The following TTC39B variants were observed in gnomAD, a reference collection of about 807,000 sequenced individuals.
TTC39B encodes the protein tetratricopeptide repeat domain 39B.
A neutral mutation model predicts 96.6 loss-of-function variants in TTC39B; 92 were observed. The observed-to-expected ratio is 0.95, with a 90% CI of 0.80 to 1.13. TTC39B has a LOEUF of 1.13. Ranked by LOEUF, TTC39B falls within the 50% of genes most tolerant of loss-of-function variation. The pLI, the probability that TTC39B is intolerant of heterozygous loss-of-function variation, is 0.00. For missense variants in TTC39B, 955 were observed against 809.3 expected, an observed-to-expected ratio of 1.18 and a Z score of -2.18; for synonymous variants, 367 against 299.4, an observed-to-expected ratio of 1.23 and a Z score of -2.33.
intron 3 of TTC39B, among the ~76,000 whole-genome samples, chr9:15,219,624 C>T (rs75353774): frequency 0.014 from 2,198 of 152,302 alleles, 42 homozygotes; most frequent in African/African-American, 0.046. Context: ...TCCGACACCT[C>T]GGACTTCCCT....
chr9:15,268,799 C>A (rs1166969420), intron 1 of TTC39B, among the ~76,000 whole-genome samples: 1 of 152,220 alleles, frequency 6.6e-6, no homozygotes, highest in East Asian at 1.9e-4. Context: ...ACCCTCCATT[C>A]AATTCTTCAC....
exon 9 of TTC39B, chr9:15,192,662 C>T (rs762594621): frequency 6.2e-7 from 1 of 1,613,982 alleles, no homozygotes; most frequent in Non-Finnish European, 8.5e-7. Context: ...GAAGTTTGTT[C>T]TTCTGAATTT....
chr9:15,184,282 A>G (rs1334947229), intron 16 of TTC39B, among the ~76,000 whole-genome samples: 1 of 152,132 alleles, frequency 6.6e-6, no homozygotes, highest in African/African-American at 2.4e-5. Context: ...TGAACCAGGA[A>G]TTCCATTTTT....
intron 2 of TTC39B, among the ~76,000 whole-genome samples, chr9:15,244,413 A>C (rs1174535987): frequency 1.3e-5 from 2 of 152,236 alleles, no homozygotes; most frequent in African/African-American, 2.4e-5. Flanking sequence ...TCCTCACCTC[A>C]GTGGGTCTCA....
At chr9:15,211,618 G>T (rs980495714) in intron 4 of TTC39B, among the ~76,000 whole-genome samples, 20 of 152,132 alleles carry the variant, frequency 1.3e-4, no homozygotes, top group African/African-American at 3.6e-4. Context: ...CAGGTTGAAG[G>T]GGACAATATG....
rs62570820 is a variant in TTC39B at position 15,283,642 on chromosome 9, C to T, written c.241-15694G>A. On this transcript the variant is annotated intron_variant, in intron 1 of 19. Transcript: ENST00000512701. ...AGGAAAAAAAATTGTAGGATTTGCC[C>T]TGAAAAATTGAAACTATGGAATTGG... 9.3e-3 allele frequency among the ~76,000 whole-genome samples: 1,416 copies of T among 152,196 alleles called. 19 individuals are homozygous for T. The highest frequency in any genetic ancestry group is 0.02 in the Middle Eastern group (6 of 294).
chr9:15,183,988 C>T (rs1801160017), intron 16 of TTC39B, among the ~76,000 whole-genome samples: 1 of 152,156 alleles, frequency 6.6e-6, no homozygotes, highest in African/African-American at 2.4e-5. Context: ...TGACCCCTGT[C>T]AGGGAGGGGC....
chr9:15,244,681 C>T (rs574203234), intron 2 of TTC39B, among the ~76,000 whole-genome samples: 1 of 152,320 alleles, frequency 6.6e-6, no homozygotes, highest in Admixed American at 6.5e-5. Flanking sequence ...TGCTATTCAG[C>T]AGTTCTGCTT....
exon 18 of TTC39B, chr9:15,177,721 A>T: frequency 6.2e-7 from 1 of 1,613,278 alleles, no homozygotes; most frequent in Non-Finnish European, 8.5e-7. Context: ...ATTGTAACAT[A>T]GTTCAGCTTG....
chr9:15,240,490 C>G (rs938028457), intron 2 of TTC39B, among the ~76,000 whole-genome samples: 4 of 151,676 alleles, frequency 2.6e-5, no homozygotes, highest in African/African-American at 9.7e-5. Flanking sequence ...ATTCTTTGTA[C>G]TTTTCAATGT....
intron 10 of TTC39B, 80 bp from the exon 11 acceptor site, chr9:15,190,742 A>G (rs1818811915): frequency 8.8e-7 from 1 of 1,130,340 alleles, no homozygotes; most frequent in Non-Finnish European, 1.3e-6. Flanking sequence ...ATTTTTATAT[A>G]TTAGGGGGGT....
chr9:15,173,339 C>A (rs1817759612), intron 19 of TTC39B, among the ~76,000 whole-genome samples: 1 of 152,134 alleles, frequency 6.6e-6, no homozygotes, highest in Non-Finnish European at 1.5e-5. Context: ...TTGGCTCTAC[C>A]ATGCCCGTAA....
intron 16 of TTC39B, among the ~76,000 whole-genome samples, chr9:15,184,139 G>A (rs761387767): frequency 2.6e-5 from 4 of 152,118 alleles, no homozygotes; most frequent in Non-Finnish European, 5.9e-5. Flanking sequence ...CACATGAAAA[G>A]ATGCTCCACC....
intron 11 of TTC39B, among the ~76,000 whole-genome samples, 156 bp from the exon 12 acceptor site, chr9:15,189,948 C>G (rs1490821314): frequency 6.6e-6 from 1 of 152,146 alleles, no homozygotes; most frequent in African/African-American, 2.4e-5. Flanking sequence ...AAAATAAAGA[C>G]CAGTCTCACC....
chr9:15,183,409 C>A (rs1192372410), intron 16 of TTC39B: 2 of 401,768 alleles, frequency 5.0e-6, no homozygotes. Context: ...CAGAAGAGGG[C>A]AAGCTCATAT....
At position 15,181,534 on chromosome 9, in the gene TTC39B, A is replaced by G. The variant is rs568869593; in HGVS notation, c.1723+773T>C. 9.8e-5 allele frequency among the ~76,000 whole-genome samples: 15 copies of G among 152,330 alleles called. No homozygotes were observed. The East Asian group carries it at 2.9e-3, about 29-fold the overall frequency. On this transcript the variant is annotated intron_variant, in intron 17 of 19. Transcript: ENST00000512701. ...GTCTGATGGCAGAGCTGGGACTATA[A>G]GCCCAGACTGCCTGATTCTGATACT... is the stretch of plus-strand genomic sequence containing the variant.
intron 7 of TTC39B, 91 bp downstream of exon 7, chr9:15,203,732 C>A: frequency 9.6e-7 from 1 of 1,040,902 alleles, no homozygotes; most frequent in Non-Finnish European, 1.4e-6. Context: ...GTCAAAAGAA[C>A]TGAAGCTTTG....
chr9:15,266,777 C>A (rs1823147216), intron 2 of TTC39B, among the ~76,000 whole-genome samples: 1 of 152,142 alleles, frequency 6.6e-6, no homozygotes, highest in East Asian at 1.9e-4. Context: ...AGGATTAACA[C>A]CCTTATAAGA....
At chr9:15,172,420 T>C (rs1040356300) in intron 19 of TTC39B, among the ~76,000 whole-genome samples, 1 of 152,170 alleles carries the variant, frequency 6.6e-6, no homozygotes, top group African/African-American at 2.4e-5. Context: ...TTTTGTGAAC[T>C]AGTCCTAAAT....
Sources: gnomAD v4.1 joint callset for allele counts (sites outside exome capture counted in the v4.1 genomes callset) on GRCh38, gnomAD v4.1.1 for gene constraint, MANE v1.5 for transcripts, NCBI Gene and HGNC (gene_info 2026-07-23, HGNC 2026-07-21) for gene names.